TIAM1: variants seen among roughly 807,000 people sequenced by gnomAD.
TIAM1 encodes TIAM Rac1 associated GEF 1, also known as rho guanine nucleotide exchange factor TIAM1.
A neutral mutation model predicts 163.5 loss-of-function variants in TIAM1; 65 were observed. The ratio of observed to expected loss-of-function variants is 0.40; its 90% CI spans 0.33 to 0.49. The LOEUF (loss-of-function observed/expected upper bound fraction) is 0.49. TIAM1 is among the 20% of genes least tolerant of loss of function. The pLI, the probability that TIAM1 is intolerant of heterozygous loss-of-function variation, is 0.77. For missense variants in TIAM1, 1,789 were observed against 2,044.7 expected, an observed-to-expected ratio of 0.87 and a Z score of 2.41; for synonymous variants, 833 against 810.1, an observed-to-expected ratio of 1.03 and a Z score of -0.48.
At chr21:31,223,663 A>G (rs2087762966) in intron 7 of TIAM1, 72 bp from the exon 8 acceptor site, 1 of 1,462,358 alleles carries the variant, frequency 6.8e-7, no homozygotes, top group East Asian at 2.3e-5. Flanking sequence ...TTTATCCTAT[A>G]CAGATCTATA....
At position 31,253,800 on chromosome 21, in the gene TIAM1, C is replaced by T. The variant is rs77877759; in HGVS notation, c.964-1611G>A. Among the ~76,000 whole-genome samples the T allele has an allele frequency of 9.5e-3, 1,440 of 152,284 alleles. 21 individuals are homozygous for T. The highest frequency in any genetic ancestry group is 0.033 in the African/African-American group (1,386 of 41,562). On this transcript the variant is annotated intron_variant, in intron 4 of 27. Transcript: ENST00000541036. Reference sequence around the variant, plus strand: ...CTGCTATCCTGCTTATTAACATCCACGGGTGGTCATGAAAGACCTAGAGCC... The same window carrying T: ...CTGCTATCCTGCTTATTAACATCCATGGGTGGTCATGAAAGACCTAGAGCC...
chr21:31,319,841 A>G (rs1209071030), intron 2 of TIAM1, among the ~76,000 whole-genome samples: 1 of 151,302 alleles, frequency 6.6e-6, no homozygotes, highest in Non-Finnish European at 1.5e-5. Flanking sequence ...GTGGTACCTC[A>G]CCATGGTTTT....
intron 1 of TIAM1, among the ~76,000 whole-genome samples, chr21:31,552,749 G>A (rs1054123465): frequency 1.2e-4 from 18 of 152,222 alleles, no homozygotes; most frequent in African/African-American, 4.3e-4. Context: ...CAGCCTGGGT[G>A]ACAAGAGTAA....
Position 31,339,142 on chromosome 21 carries a change from T to C in TIAM1, c.-189+101A>G, listed in dbSNP as rs2075944048. 5 of 392,004 alleles carry C rather than the reference T, an allele frequency of 1.3e-5. No homozygotes were observed. In the East Asian group the frequency reaches 1.8e-4, roughly 14 times the overall value. The allele number at this position is 392,004 out of a possible 1,614,324, so 24.3% of individuals were successfully genotyped here. A position where few individuals can be genotyped will look rare whatever the true frequency, so the allele number is the denominator to read the frequency against. On this transcript the variant is annotated intron_variant, in intron 2 of 27. Coordinates refer to ENST00000541036, the MANE Select transcript of TIAM1 (RefSeq NM_001353694.2). Reference sequence around the variant, plus strand: ...AACAATCGTCACAAACAATGAACTTTCTATTGTCCCAAAAAAGGTGGATTT... The same window carrying C: ...AACAATCGTCACAAACAATGAACTTCCTATTGTCCCAAAAAAGGTGGATTT...
intron 2 of TIAM1, among the ~76,000 whole-genome samples, chr21:31,315,475 A>T (rs1212127644): frequency 6.6e-6 from 1 of 151,384 alleles, no homozygotes; most frequent in African/African-American, 2.4e-5. Flanking sequence ...AGATCACGCC[A>T]CCGCACTCTA....
At chr21:31,279,270 C>T (rs974088727) in intron 2 of TIAM1, among the ~76,000 whole-genome samples, 1 of 152,172 alleles carries the variant, frequency 6.6e-6, no homozygotes, top group Non-Finnish European at 1.5e-5. Flanking sequence ...ACCCTGGTTG[C>T]GGAACTGATC....
At chr21:31,550,166 CA>C (rs2048635011) in intron 1 of TIAM1, among the ~76,000 whole-genome samples, 1 of 150,494 alleles carries the variant, frequency 6.6e-6, no homozygotes, top group African/African-American at 2.4e-5. Flanking sequence ...GATATTCAAA[CA>C]AATACTTGTG....
chr21:31,119,419 G>C lies in TIAM1; in HGVS notation c.*949C>G, dbSNP rs1013312685. On this transcript the variant is annotated 3_prime_UTR_variant, in exon 28 of 28. Coordinates refer to ENST00000541036, the MANE Select transcript of TIAM1 (RefSeq NM_001353694.2). The stretch of plus-strand genomic sequence containing the variant: ...ACAGACACACACACCGCCCACCGGG[G>C]TGTCATGTTTAATCCAACCAAACTC... 2.2e-4 allele frequency: 34 copies of C among 152,236 alleles called. No homozygotes were observed. The highest frequency in any genetic ancestry group is 3.4e-4 in the Non-Finnish European group (23 of 67,990). The allele number at this position is 152,236 out of a possible 1,614,324, so 9.4% of individuals were successfully genotyped here.
At chr21:31,209,310 G>C (rs1214621754) in intron 11 of TIAM1, among the ~76,000 whole-genome samples, 1 of 152,188 alleles carries the variant, frequency 6.6e-6, no homozygotes, top group Non-Finnish European at 1.5e-5. Context: ...AAGCATGCAA[G>C]TAAAGTTCTT....
chr21:31,469,940 G>GC (rs1335383548), intron 1 of TIAM1, among the ~76,000 whole-genome samples: 1 of 152,016 alleles, frequency 6.6e-6, no homozygotes, highest in Non-Finnish European at 1.5e-5. Context: ...ATGGGTAGGG[G>GC]CAGGTGTGGC....
Position 31,407,799 on chromosome 21 carries a change from G to T in TIAM1, c.-369+56184C>A, listed in dbSNP as rs182649975. Among the ~76,000 whole-genome samples the T allele has an allele frequency of 1.1e-3, 162 of 151,792 alleles. 1 individual carries two copies. Among genetic ancestry groups the T allele is most frequent in the African/African-American group, 3.8e-3 (159 of 41,382 alleles). On this transcript the variant is annotated intron_variant, in intron 2 of 28. Transcript: ENST00000286827. Reference sequence around the variant, plus strand: ...TACAGGCGCCCGCCACCACGCCTGGGTAATTTTTTTGTATTTTCAGTAGAG... The same window carrying T: ...TACAGGCGCCCGCCACCACGCCTGGTTAATTTTTTTGTATTTTCAGTAGAG...
At chr21:31,458,186 A>G (rs751758585) in intron 2 of TIAM1, among the ~76,000 whole-genome samples, 6 of 152,140 alleles carry the variant, frequency 3.9e-5, no homozygotes, top group Non-Finnish European at 7.4e-5. Context: ...TTGGGAGGCC[A>G]AGGTGGGTAG....
chr21:31,124,826 T>G, intron 26 of TIAM1, 132 bp from the exon 27 acceptor site: 2 of 694,946 alleles, frequency 2.9e-6, no homozygotes, highest in East Asian at 2.9e-5. Context: ...GACTCCAATT[T>G]CTATGCTGAG....
rs1569031385 is a variant in TIAM1 at position 31,210,592 on chromosome 21, AAGAGAGAAAGAAGGAAGGAAGGG to A, written c.2218-400_2218-378del. Among the ~76,000 whole-genome samples, 508 of 88,264 alleles carry A rather than the reference AAGAGAGAAAGAAGGAAGGAAGGG, an allele frequency of 5.8e-3. 15 individuals carry two copies. The highest frequency in any genetic ancestry group is 0.015 in the East Asian group (33 of 2,214). The allele number at this position is 88,264 out of a possible 152,430, so 57.9% of individuals were successfully genotyped here. On this transcript the variant is annotated intron_variant, in intron 10 of 27. Transcript: ENST00000541036. ...AAAGAAAGAAAGAAAGAAAGAAAGA[AAGAGAGAAAGAAGGAAGGAAGGG>A]AGAAAGAAAGAAAGAAAGAAAGAAA...
At chr21:31,287,251 AG>A (rs1283418350) in intron 2 of TIAM1, among the ~76,000 whole-genome samples, 1 of 152,362 alleles carries the variant, frequency 6.6e-6, no homozygotes, top group East Asian at 1.9e-4. Flanking sequence ...AGCTACGCTT[AG>A]GGCTATCTAA....
intron 17 of TIAM1, among the ~76,000 whole-genome samples, 177 bp from the exon 18 acceptor site, chr21:31,153,311 G>C (rs1440242819): frequency 6.6e-6 from 1 of 152,158 alleles, no homozygotes; most frequent in Non-Finnish European, 1.5e-5. Flanking sequence ...TCATGCAGGA[G>C]TAAGCCAACC....
chr21:31,173,464 T>A (rs1289502257), intron 15 of TIAM1, among the ~76,000 whole-genome samples: 1 of 148,872 alleles, frequency 6.7e-6, no homozygotes, highest in East Asian at 2.0e-4. Flanking sequence ...CATAATAACA[T>A]CAGCATAAAC....
chr21:31,264,034 T>A (rs2072622612), intron 4 of TIAM1, among the ~76,000 whole-genome samples: 1 of 152,186 alleles, frequency 6.6e-6, no homozygotes, highest in Non-Finnish European at 1.5e-5. Context: ...GGGTTTAAAA[T>A]TCAGGGAGTG....
chr21:31,213,857 T>G (rs937295137), intron 9 of TIAM1, among the ~76,000 whole-genome samples: 16 of 108,956 alleles, frequency 1.5e-4, no homozygotes, highest in African/African-American at 2.2e-4. Context: ...TAGTTAGACC[T>G]CATCTCTACA....
Sources: allele counts gnomAD v4.1 joint callset (sites outside exome capture counted in the v4.1 genomes callset), GRCh38; gene constraint gnomAD v4.1.1; transcripts MANE v1.5; gene names NCBI Gene and HGNC (gene_info 2026-07-23, HGNC 2026-07-21).